The following ARHGAP32 variants were observed in gnomAD, a reference collection of about 807,000 sequenced individuals.
The protein encoded by ARHGAP32 is Rho GTPase activating protein 32.
ARHGAP32 carries 51 observed loss-of-function variants against 186.5 expected under a neutral mutation model. That is an observed-to-expected ratio of 0.27 (90% CI 0.22 to 0.35). The LOEUF (loss-of-function observed/expected upper bound fraction) is 0.35, where lower values mean the gene tolerates loss of function less well. ARHGAP32 is among the 10% of genes least tolerant of loss of function. The pLI is 1.00. For synonymous variants in ARHGAP32, 950 were observed against 964.3 expected, an observed-to-expected ratio of 0.99 and a Z score of 0.27; for missense variants, 2,186 against 2,623.5, an observed-to-expected ratio of 0.83 and a Z score of 3.64.
At chr11:129,170,090 G>A (rs1166175839) in intron 1 of ARHGAP32, among the ~76,000 whole-genome samples, 4 of 151,326 alleles carry the variant, frequency 2.6e-5, no homozygotes, top group Non-Finnish European at 4.4e-5. Context: ...GATAGTGACC[G>A]AATGAGTTTT....
At chr11:129,260,428 C>T (rs952352522) in intron 1 of ARHGAP32, among the ~76,000 whole-genome samples, 11 of 152,040 alleles carry the variant, frequency 7.2e-5, no homozygotes, top group East Asian at 1.9e-4. Context: ...AAATTTATTA[C>T]GGGCTTTCAT....
intron 11 of ARHGAP32, among the ~76,000 whole-genome samples, chr11:129,004,205 T>G (rs993505989): frequency 6.6e-6 from 1 of 151,798 alleles, no homozygotes; most frequent in African/African-American, 2.4e-5. Context: ...AATTTTAGTC[T>G]GTTGTGGCCA....
intron 11 of ARHGAP32, among the ~76,000 whole-genome samples, chr11:129,021,997 T>G (rs879274400): frequency 6.6e-6 from 1 of 152,094 alleles, no homozygotes; most frequent in Non-Finnish European, 1.5e-5. Context: ...TAAAACCTGC[T>G]AAGAAATTTT....
intron 12 of ARHGAP32, among the ~76,000 whole-genome samples, chr11:128,994,761 C>T (rs971496732): frequency 9.2e-5 from 14 of 152,164 alleles, no homozygotes; most frequent in African/African-American, 3.4e-4. Flanking sequence ...TTTCCCTTCT[C>T]CTGCTAATTT....
At chr11:129,257,333 G>A (rs377022420) in intron 1 of ARHGAP32, among the ~76,000 whole-genome samples, 22 of 152,244 alleles carry the variant, frequency 1.4e-4, no homozygotes, top group Non-Finnish European at 2.2e-4. Context: ...TTTTTCTAAA[G>A]CATCTTTCAT....
At chr11:129,056,298 T>G (rs186839214) in intron 10 of ARHGAP32, among the ~76,000 whole-genome samples, 1 of 152,318 alleles carries the variant, frequency 6.6e-6, no homozygotes, top group Non-Finnish European at 1.5e-5. Context: ...TTTTTATTTT[T>G]GACAAGGTCT....
intron 6 of ARHGAP32, among the ~76,000 whole-genome samples, chr11:129,086,547 C>T (rs542347133): frequency 2.0e-5 from 3 of 151,900 alleles, no homozygotes; most frequent in East Asian, 1.9e-4. Context: ...GATGGCCGGG[C>T]ATGGTGGCTC....
intron 1 of ARHGAP32, among the ~76,000 whole-genome samples, chr11:129,175,521 G>A (rs191466884): frequency 3.7e-5 from 1 of 26,922 alleles, no homozygotes; most frequent in East Asian, 7.5e-4. Context: ...TGAAGGAAAA[G>A]ATGTTAAGGG....
chr11:128,995,857 A>G (rs190189970), intron 12 of ARHGAP32, among the ~76,000 whole-genome samples: 1 of 152,334 alleles, frequency 6.6e-6, no homozygotes, highest in Admixed American at 6.5e-5. Flanking sequence ...ACATTCTCCC[A>G]AAGTTGGGTA....
chr11:129,211,728 C>T (rs1944584602), intron 1 of ARHGAP32, among the ~76,000 whole-genome samples: 3 of 152,152 alleles, frequency 2.0e-5, no homozygotes, highest in Non-Finnish European at 4.4e-5. Flanking sequence ...AAAACTTCCA[C>T]AGTTGATTGT....
In ARHGAP32 at chr11:128,976,576, G is replaced by A; in HGVS notation, c.2181C>T (p.Leu727=). The change falls in exon 20 of 23, where the codon CTC becomes CTT. Residue 727 remains leucine, a synonymous_variant. Coordinates refer to ENST00000682385, the MANE Select transcript of ARHGAP32 (RefSeq NM_001378024.1). The stretch of plus-strand genomic sequence containing the variant: ...TTTTAGTCTTACCATCAACTGCATG[G>A]AGAGATGTAAGAGACTCCTCACTTT... The part of the protein sequence containing the change: ...SAKSEESLTS[L]HAVDGDSKLF... 1 of 1,613,778 alleles carries A rather than the reference G, an allele frequency of 6.2e-7. No individual in the cohort carries two copies. Among genetic ancestry groups the A allele is most frequent in the Non-Finnish European group, 8.5e-7 (1 of 1,179,760 alleles).
intron 1 of ARHGAP32, among the ~76,000 whole-genome samples, chr11:129,213,258 C>T (rs1304868343): frequency 1.3e-5 from 2 of 152,136 alleles, no homozygotes; most frequent in African/African-American, 4.8e-5. Flanking sequence ...TGAAACTCAC[C>T]TTTCACCGAA....
chr11:129,272,350 C>G (rs1462422083), intron 1 of ARHGAP32, among the ~76,000 whole-genome samples: 1 of 152,192 alleles, frequency 6.6e-6, no homozygotes, highest in Non-Finnish European at 1.5e-5. Flanking sequence ...TAAGGTATTG[C>G]CCTCACCTTT....
chr11:129,193,696 A>ATATATAATATATATTATATAT (rs1944344729), upstream of ARHGAP32, among the ~76,000 whole-genome samples: 1 of 23,936 alleles, frequency 4.2e-5, no homozygotes, highest in Non-Finnish European at 7.9e-5. Context: ...ATATTATATA[A>ATATATAATATATATTATATAT]TATATAATAT....
chr11:129,168,791 A>G (rs915705540), intron 1 of ARHGAP32, among the ~76,000 whole-genome samples: 1 of 152,230 alleles, frequency 6.6e-6, no homozygotes, highest in Admixed American at 6.5e-5. Context: ...AATTAAAAAA[A>G]TTTAAATCAT....
intron 6 of ARHGAP32, among the ~76,000 whole-genome samples, chr11:129,078,684 G>T (rs1941124770): frequency 6.6e-6 from 1 of 151,922 alleles, no homozygotes; most frequent in South Asian, 2.1e-4. Flanking sequence ...GTAGAGACAG[G>T]GTTTCACCAT....
At chr11:128,990,372 T>C (rs1260211476) in intron 12 of ARHGAP32, among the ~76,000 whole-genome samples, 1 of 152,220 alleles carries the variant, frequency 6.6e-6, no homozygotes, top group Non-Finnish European at 1.5e-5. Context: ...TCCATCTTTG[T>C]ATATTTAAAA....
chr11:129,093,577 AT>A, intron 6 of ARHGAP32, 43 bp downstream of exon 6: 1 of 1,367,896 alleles, frequency 7.3e-7, no homozygotes, highest in Non-Finnish European at 1.0e-6. Flanking sequence ...ACTCAACCTA[AT>A]TCTTAACTTC....
chr11:128,978,655 G>A (rs1945620347), intron 19 of ARHGAP32, 115 bp downstream of exon 19: 3 of 1,042,516 alleles, frequency 2.9e-6, no homozygotes, highest in Non-Finnish European at 4.0e-6. Context: ...CTGTATGTGT[G>A]ACACAACTGT....
Sources: allele counts gnomAD v4.1 joint callset (sites outside exome capture counted in the v4.1 genomes callset), GRCh38; gene constraint gnomAD v4.1.1; transcripts MANE v1.5; gene names NCBI Gene and HGNC (gene_info 2026-07-23, HGNC 2026-07-21).